Variants in GCSAML observed in about 807,000 individuals in gnomAD.
GCSAML encodes germinal center-associated signaling and motility-like protein.
Under a neutral mutation model 13.0 loss-of-function variants are expected in GCSAML, and 9 were observed. The observed-to-expected ratio is 0.69, with a 90% confidence interval of 0.42 to 1.21. The LOEUF (loss-of-function observed/expected upper bound fraction) is 1.21. Among genes scored for constraint, GCSAML ranks in the 50% most tolerant of loss-of-function variants. The probability of loss-of-function intolerance (pLI) is 0.00; values close to 1 mark genes in which losing one functional copy is unlikely to be tolerated. For missense variants in GCSAML, 143 were observed against 153.4 expected, an observed-to-expected ratio of 0.93 and a Z score of 0.36; for synonymous variants, 37 against 52.9, an observed-to-expected ratio of 0.70 and a Z score of 1.31.
upstream of GCSAML, among the ~76,000 whole-genome samples, chr1:247,546,569 G>C (rs952829873): frequency 6.6e-6 from 1 of 151,858 alleles, no homozygotes; most frequent in Non-Finnish European, 1.5e-5. Context: ...CACTGTGTTA[G>C]CCAGGATGGT....
chr1:247,517,651 C>T (rs949345180), intron 1 of GCSAML, among the ~76,000 whole-genome samples: 2 of 152,150 alleles, frequency 1.3e-5, no homozygotes, highest in African/African-American at 2.4e-5. Context: ...CAGAGTGCTA[C>T]TGAGAAAAAA....
intron 2 of GCSAML, among the ~76,000 whole-genome samples, chr1:247,539,960 C>T (rs912552541): frequency 5.3e-5 from 8 of 152,190 alleles, no homozygotes; most frequent in Non-Finnish European, 1.0e-4. Context: ...CACCACTTCT[C>T]CCATTCCTCC....
chr1:247,533,096 C>T (rs1471605790), intron 2 of GCSAML, among the ~76,000 whole-genome samples: 3 of 152,158 alleles, frequency 2.0e-5, no homozygotes, highest in Admixed American at 1.3e-4. Flanking sequence ...TTTTTGCTGT[C>T]GTTAACTATA....
At chr1:247,543,134 C>A (rs751276140) in intron 2 of GCSAML, among the ~76,000 whole-genome samples, 5 of 152,184 alleles carry the variant, frequency 3.3e-5, no homozygotes, top group Non-Finnish European at 7.4e-5. Flanking sequence ...TAAAGAAATG[C>A]CCATCGTTTG....
chr1:247,531,057 CTG>C, intron 2 of GCSAML: 1 of 159,384 alleles, frequency 6.3e-6, no homozygotes. Context: ...GCTTCAAGGC[CTG>C]GGCCGAGCGG....
At chr1:247,550,844 A>G (rs1039441496) in intron 1 of GCSAML, among the ~76,000 whole-genome samples, 10 of 152,142 alleles carry the variant, frequency 6.6e-5, no homozygotes, top group South Asian at 4.1e-4. Flanking sequence ...AGGTAAGACA[A>G]TGGTCTTGGT....
At chr1:247,538,959 G>A (rs547820175) in intron 2 of GCSAML, among the ~76,000 whole-genome samples, 1 of 152,334 alleles carries the variant, frequency 6.6e-6, no homozygotes, top group South Asian at 2.1e-4. Context: ...CCTCTTCTCA[G>A]TTGATGACAA....
chr1:247,537,876 A>G (rs1667276658), intron 2 of GCSAML, among the ~76,000 whole-genome samples: 1 of 151,912 alleles, frequency 6.6e-6, no homozygotes, highest in Non-Finnish European at 1.5e-5. Context: ...TTCCTTATAT[A>G]CTCTGAATAT....
At chr1:247,508,014 CT>C (rs1433177476) in intron 1 of GCSAML, among the ~76,000 whole-genome samples, 3 of 152,040 alleles carry the variant, frequency 2.0e-5, no homozygotes, top group Non-Finnish European at 4.4e-5. Flanking sequence ...ATTTATAATC[CT>C]TTGGGTATAT....
chr1:247,570,535 C>T (rs1017888809), intron 4 of GCSAML, among the ~76,000 whole-genome samples: 5 of 152,116 alleles, frequency 3.3e-5, no homozygotes, highest in Non-Finnish European at 7.4e-5. Flanking sequence ...GTTTCTTAAT[C>T]CTGAGTTCTA....
intron 2 of GCSAML, chr1:247,531,469 G>A: frequency 2.1e-6 from 3 of 1,416,198 alleles, no homozygotes; most frequent in Non-Finnish European, 9.6e-7. Flanking sequence ...GAAGAAAAAC[G>A]ACATCCCAAG....
intron 2 of GCSAML, chr1:247,529,350 C>A (rs1320076927): frequency 1.3e-5 from 2 of 152,186 alleles, no homozygotes; most frequent in Non-Finnish European, 2.9e-5. Flanking sequence ...ATTCATACTT[C>A]ATACCTCAAT....
intron 2 of GCSAML, chr1:247,531,215 A>G: frequency 3.6e-6 from 1 of 280,950 alleles, no homozygotes; most frequent in Non-Finnish European, 6.7e-6. Flanking sequence ...AGCGTCGTCA[A>G]AGTTTATTAT....
intron 1 of GCSAML, among the ~76,000 whole-genome samples, chr1:247,550,363 C>T (rs1190154697): frequency 1.3e-5 from 2 of 152,164 alleles, no homozygotes; most frequent in Admixed American, 1.3e-4. Context: ...GGTGGCTGGG[C>T]ACGGTGGCTC....
At chr1:247,523,997 TACAC>T (rs34257635) in intron 1 of GCSAML, among the ~76,000 whole-genome samples, 2,462 of 147,834 alleles carry the variant, frequency 0.017, 44 homozygotes, top group African/African-American at 0.056. Context: ...ACATCTGTCT[TACAC>T]ACACACACAC....
chr1:247,553,931 T>C (rs911032255), intron 1 of GCSAML, among the ~76,000 whole-genome samples: 1 of 152,268 alleles, frequency 6.6e-6, no homozygotes, highest in Non-Finnish European at 1.5e-5. Context: ...AAAACCCATT[T>C]GATTGTGATG....
chr1:247,565,909 T>A, intron 3 of GCSAML, 22 bp from the exon 4 acceptor site: 1 of 1,536,334 alleles, frequency 6.5e-7, no homozygotes, highest in Non-Finnish European at 8.8e-7. Flanking sequence ...TCTTTCTTTT[T>A]TTTTTTTTTT....
intron 1 of GCSAML, among the ~76,000 whole-genome samples, chr1:247,524,028 A>ACACACACACACACT (rs1291558240): frequency 6.7e-6 from 1 of 150,368 alleles, no homozygotes; most frequent in Non-Finnish European, 1.5e-5. Flanking sequence ...ACACACACAC[A>ACACACACACACACT]CTCTGCAGAT....
intron 1 of GCSAML, among the ~76,000 whole-genome samples, chr1:247,550,402 C>A (rs533083614): frequency 1.3e-5 from 2 of 152,220 alleles, no homozygotes; most frequent in East Asian, 3.9e-4. Flanking sequence ...CTTTGGGAGG[C>A]CGAGGCGGGT....
Sources: gnomAD v4.1 joint callset for allele counts (sites outside exome capture counted in the v4.1 genomes callset) on GRCh38, gnomAD v4.1.1 for gene constraint, MANE v1.5 for transcripts, NCBI Gene and HGNC (gene_info 2026-07-23, HGNC 2026-07-21) for gene names.